Variants in ESR1 observed in about 807,000 individuals in gnomAD.
The protein encoded by ESR1 is estrogen receptor 1.
ESR1 carries 12 observed loss-of-function variants against 52.7 expected under a neutral mutation model. The observed-to-expected ratio is 0.23, with a 90% CI of 0.15 to 0.37. ESR1 has a LOEUF of 0.37. Ranked by LOEUF, ESR1 falls within the 10% of genes least tolerant of loss-of-function variation. The pLI is 1.00. For missense variants in ESR1, 584 were observed against 779.7 expected (o/e 0.75, Z 2.99); for synonymous variants, 305 against 316.8 (o/e 0.96, Z 0.39).
intron 6 of ESR1, among the ~76,000 whole-genome samples, chr6:152,110,817 T>C (rs112844022): frequency 9.2e-5 from 14 of 152,312 alleles, no homozygotes; most frequent in Admixed American, 5.2e-4. Flanking sequence ...CTGAAAGCTA[T>C]GTCCATACTC....
chr6:151,766,528 A>T (rs1261278660), intron 2 of ESR1, among the ~76,000 whole-genome samples: 14 of 152,100 alleles, frequency 9.2e-5, no homozygotes, highest in Admixed American at 9.2e-4. Flanking sequence ...TAAAAATCAC[A>T]CGCCTCTTTT....
rs2050984181 is a variant in ESR1, at chr6:152,102,226, G to A, written c.*3260G>A. On this transcript the variant is annotated 3_prime_UTR_variant, in exon 8 of 8. Coordinates refer to ENST00000206249, the MANE Select transcript of ESR1 (RefSeq NM_000125.4). ...GATAATTTACTTTTGATCACATTAA[G>A]GTGTTCTCACCTTGAAATCTTATAC... 4.8e-6 allele frequency: 1 copy of A among 207,266 alleles called. No homozygotes were observed. The allele number at this position is 207,266 out of a possible 1,614,324, so 12.8% of individuals were successfully genotyped here.
intron 5 of ESR1, among the ~76,000 whole-genome samples, chr6:152,031,813 C>T (rs2128867851): frequency 6.6e-6 from 1 of 152,122 alleles, no homozygotes; most frequent in East Asian, 1.9e-4. Context: ...ATCCTGATAC[C>T]AAAGCCTGGC....
chr6:152,066,700 CT>C (rs975789156), intron 6 of ESR1, among the ~76,000 whole-genome samples: 22 of 152,304 alleles, frequency 1.4e-4, no homozygotes, highest in African/African-American at 5.1e-4. Flanking sequence ...CTGCTACCAA[CT>C]TTTGGTGTTG....
chr6:151,668,537 C>T (rs771085263), intron 1 of ESR1, among the ~76,000 whole-genome samples: 8 of 152,142 alleles, frequency 5.3e-5, no homozygotes, highest in South Asian at 2.1e-4. Context: ...CCTGCCTTGG[C>T]CTCCTAAAGT....
chr6:151,865,389 G>C (rs981692211), intron 2 of ESR1, among the ~76,000 whole-genome samples: 8 of 152,072 alleles, frequency 5.3e-5, no homozygotes, highest in African/African-American at 1.9e-4. Context: ...GTTGACAAAG[G>C]GTTTGCATAT....
chr6:151,821,338 G>T (rs758102210), intron 1 of ESR1, among the ~76,000 whole-genome samples: 2 of 152,130 alleles, frequency 1.3e-5, no homozygotes, highest in Non-Finnish European at 2.9e-5. Flanking sequence ...AGCCATGCTT[G>T]TCTAGACAGG....
chr6:151,737,923 T>A (rs571561404), intron 2 of ESR1, among the ~76,000 whole-genome samples: 3 of 152,342 alleles, frequency 2.0e-5, no homozygotes, highest in East Asian at 3.9e-4. Flanking sequence ...ATCTGTTAAT[T>A]AGCTTTGGAT....
chr6:151,794,125 A>C (rs557611915), intron 2 of ESR1, among the ~76,000 whole-genome samples: 3 of 152,204 alleles, frequency 2.0e-5, no homozygotes, highest in Non-Finnish European at 4.4e-5. Flanking sequence ...ATATGTTAAC[A>C]ACTGGATTTT....
At chr6:151,780,793 A>G (rs1341310852) in intron 2 of ESR1, among the ~76,000 whole-genome samples, 1 of 152,188 alleles carries the variant, frequency 6.6e-6, no homozygotes, top group East Asian at 1.9e-4. Context: ...CAAAACTCTT[A>G]CCCTAGTTCA....
chr6:151,827,351 A>AG (rs1356865159), intron 1 of ESR1, among the ~76,000 whole-genome samples: 2 of 151,288 alleles, frequency 1.3e-5, no homozygotes, highest in African/African-American at 4.9e-5. Context: ...TCTCAAAAAA[A>AG]AAAAAAAAGA....
In ESR1 at chr6:151,997,395, C is replaced by T. The variant is rs1201086997; in HGVS notation, c.1097-14261C>T. On this transcript the variant is annotated intron_variant, in intron 4 of 7. Transcript: ENST00000206249. The stretch of plus-strand genomic sequence containing the variant: ...CCCAACCCTTGTAATCTTTTTGTGG[C>T]AACCTTAGGAAACTTGGAATGCTTT... Among the ~76,000 whole-genome samples, 4 of 152,090 alleles carry T rather than the reference C, an allele frequency of 2.6e-5. No individual in the cohort carries two copies. The East Asian group carries it at 7.7e-4, about 29-fold the overall frequency.
upstream of ESR1, among the ~76,000 whole-genome samples, chr6:151,800,760 G>C (rs577667288): frequency 4.6e-5 from 7 of 152,040 alleles, no homozygotes; most frequent in Non-Finnish European, 1.0e-4. Flanking sequence ...ATATTTTTTT[G>C]AGTGAATTGA....
intron 6 of ESR1, among the ~76,000 whole-genome samples, chr6:152,119,736 A>T (rs1023598308): frequency 6.6e-6 from 1 of 152,176 alleles, no homozygotes; most frequent in African/African-American, 2.4e-5. Flanking sequence ...ACCATCCCAC[A>T]TCCCTTCCAT....
chr6:152,091,871 A>T (rs1421828924), intron 6 of ESR1, among the ~76,000 whole-genome samples: 1 of 152,218 alleles, frequency 6.6e-6, no homozygotes, highest in Non-Finnish European at 1.5e-5. Flanking sequence ...TGAGGCCAGC[A>T]TCCTGGGTGG....
chr6:151,988,409 G>A (rs1035214604), intron 4 of ESR1, among the ~76,000 whole-genome samples: 5 of 152,062 alleles, frequency 3.3e-5, no homozygotes, highest in Admixed American at 3.3e-4. Context: ...GCAGTAATGC[G>A]AGCAATGGGA....
chr6:151,875,366 A>G (rs1038842087), intron 2 of ESR1, among the ~76,000 whole-genome samples: 15 of 152,160 alleles, frequency 9.9e-5, no homozygotes, highest in African/African-American at 3.4e-4. Flanking sequence ...AACCCCAGTC[A>G]TCCCCCTCAG....
chr6:152,097,983 TGA>T lies in ESR1; in HGVS notation c.1554-747_1554-746del, dbSNP rs568416184. 2.4e-3 allele frequency among the ~76,000 whole-genome samples: 359 copies of T among 152,286 alleles called. 3 individuals carry two copies. The highest frequency in any genetic ancestry group is 8.3e-3 in the African/African-American group (346 of 41,548). On this transcript the variant is annotated intron_variant, in intron 7 of 7. Transcript: ENST00000206249. ...GAGGAAGGCTGAGCCTGCAGAGGCT[TGA>T]GGCTGCTGCCACTGGGTAGCGGTAG...
chr6:151,851,551 A>T (rs1165165165), intron 2 of ESR1, among the ~76,000 whole-genome samples: 22 of 144,666 alleles, frequency 1.5e-4, no homozygotes, highest in Admixed American at 7.0e-4. Context: ...TTTTTGAGAC[A>T]GAGTCTCACT....
Sources: allele counts gnomAD v4.1 joint callset (sites outside exome capture counted in the v4.1 genomes callset), GRCh38; gene constraint gnomAD v4.1.1; transcripts MANE v1.5; gene names NCBI Gene and HGNC (gene_info 2026-07-23, HGNC 2026-07-21).